UBASH3B: variants seen among roughly 807,000 people sequenced by gnomAD.
The protein encoded by UBASH3B is ubiquitin associated and SH3 domain containing B.
Under a neutral mutation model 83.4 loss-of-function variants are expected in UBASH3B, and 37 were observed. The ratio of observed to expected loss-of-function variants is 0.44; its 90% confidence interval spans 0.34 to 0.58. The LOEUF (loss-of-function observed/expected upper bound fraction) is 0.58. Ranked by LOEUF, UBASH3B falls within the 20% of genes least tolerant of loss-of-function variation. The probability of loss-of-function intolerance (pLI) is 0.01; values close to 1 mark genes in which losing one functional copy is unlikely to be tolerated. For synonymous variants in UBASH3B, 304 were observed against 318.3 expected (o/e 0.96, Z 0.48); for missense variants, 657 against 827.2 (o/e 0.79, Z 2.52).
intron 1 of UBASH3B, among the ~76,000 whole-genome samples, chr11:122,679,493 C>T (rs12789267): frequency 6.6e-6 from 1 of 152,164 alleles, no homozygotes; most frequent in Non-Finnish European, 1.5e-5. Flanking sequence ...AACATAGAAT[C>T]TCAGCTCTAC....
At chr11:122,771,188 T>G (rs1012975330) in intron 1 of UBASH3B, among the ~76,000 whole-genome samples, 27 of 152,256 alleles carry the variant, frequency 1.8e-4, no homozygotes, top group Middle Eastern at 3.4e-3. Context: ...CTACTTCAGA[T>G]GTCCTTCTGC....
intron 1 of UBASH3B, among the ~76,000 whole-genome samples, chr11:122,740,020 A>G (rs1050950302): frequency 6.6e-6 from 1 of 152,212 alleles, no homozygotes; most frequent in African/African-American, 2.4e-5. Context: ...GTAAAGCCAT[A>G]TGTTCCATAC....
At position 122,765,866 on chromosome 11, in the gene UBASH3B, G is replaced by A. The variant is rs115271718; in HGVS notation, c.162-10353G>A. Reference sequence around the variant, plus strand: ...TCACCCTCCCTTTACACAGCTTCATGTAACATAGTCTCACTCCTATGCCAT... The same window carrying A: ...TCACCCTCCCTTTACACAGCTTCATATAACATAGTCTCACTCCTATGCCAT... On this transcript the variant is annotated intron_variant, in intron 1 of 13. Coordinates refer to ENST00000284273, the MANE Select transcript of UBASH3B (RefSeq NM_032873.5). Among the ~76,000 whole-genome samples the A allele has an allele frequency of 4.4e-3, 663 of 152,266 alleles. 7 individuals are homozygous for A. Among genetic ancestry groups the A allele is most frequent in the African/African-American group, 0.015 (622 of 41,556 alleles).
intron 1 of UBASH3B, among the ~76,000 whole-genome samples, chr11:122,730,155 G>A (rs1033636138): frequency 6.6e-6 from 1 of 152,070 alleles, no homozygotes; most frequent in African/African-American, 2.4e-5. Flanking sequence ...GCATGATGGT[G>A]TGCGCCTGTA....
chr11:122,704,461 C>T (rs1361326790), intron 1 of UBASH3B, among the ~76,000 whole-genome samples: 2 of 151,600 alleles, frequency 1.3e-5, no homozygotes, highest in African/African-American at 2.4e-5. Flanking sequence ...AGGTTGGTGG[C>T]GTGTTAGAGA....
At position 122,812,284 on chromosome 11, in the gene UBASH3B, A is replaced by G. The variant is rs1047483948; in HGVS notation, c.*2398A>G. ...ATTGCTTGTCAAAATGGCCCAAAAG[A>G]TCTGAATTCACATTAAGTTCCCCTT... On this transcript the variant is annotated 3_prime_UTR_variant, in exon 14 of 14. Transcript: ENST00000284273. 1.3e-5 allele frequency: 2 copies of G among 152,240 alleles called. No individual in the cohort carries two copies. Among genetic ancestry groups the G allele is most frequent in the East Asian group, 3.8e-4 (2 of 5,206 alleles). 9.4% of individuals were successfully genotyped at this position (152,240 alleles called of 1,614,324 possible).
At chr11:122,682,906 T>G (rs1431882226) in intron 1 of UBASH3B, among the ~76,000 whole-genome samples, 4 of 152,216 alleles carry the variant, frequency 2.6e-5, no homozygotes, top group Non-Finnish European at 2.9e-5. Flanking sequence ...CTTGATCCTG[T>G]TTCATCAATA....
intron 1 of UBASH3B, among the ~76,000 whole-genome samples, chr11:122,667,258 G>C (rs902471494): frequency 6.6e-6 from 1 of 151,858 alleles, no homozygotes; most frequent in African/African-American, 2.4e-5. Context: ...TGTTGGCCAG[G>C]CTGGTCTCAA....
chr11:122,682,160 C>T (rs868653541), intron 1 of UBASH3B, among the ~76,000 whole-genome samples: 5 of 152,260 alleles, frequency 3.3e-5, no homozygotes, highest in South Asian at 2.1e-4. Flanking sequence ...CCAACCCTGC[C>T]GACGCACCAT....
intron 1 of UBASH3B, among the ~76,000 whole-genome samples, chr11:122,712,345 G>A (rs1232392330): frequency 1.3e-5 from 2 of 152,174 alleles, no homozygotes; most frequent in Non-Finnish European, 2.9e-5. Flanking sequence ...CCAGCATGAG[G>A]AGGTGGGAGG....
At chr11:122,718,914 G>A (rs915766648) in intron 1 of UBASH3B, among the ~76,000 whole-genome samples, 1 of 152,166 alleles carries the variant, frequency 6.6e-6, no homozygotes, top group Non-Finnish European at 1.5e-5. Context: ...CTACATGCCT[G>A]TAGTCCCAGA....
At chr11:122,733,329 T>C (rs1860875229) in intron 1 of UBASH3B, among the ~76,000 whole-genome samples, 1 of 152,192 alleles carries the variant, frequency 6.6e-6, no homozygotes, top group East Asian at 1.9e-4. Context: ...TGGTGTCCAG[T>C]TTAAAAAATT....
At chr11:122,688,645 A>ATT (rs113447002) in intron 1 of UBASH3B, among the ~76,000 whole-genome samples, 37 of 100,760 alleles carry the variant, frequency 3.7e-4, no homozygotes, top group African/African-American at 1.6e-3. Flanking sequence ...ATTTTATTTT[A>ATT]TTTTATTTTA....
rs530775982 is a variant in UBASH3B, at chr11:122,813,836, G to C, written c.*3950G>C. The stretch of plus-strand genomic sequence containing the variant: ...ACTTCAACATATTGAATTTCCCTAG[G>C]AAAGTGACTAGCTATAATGAAAATT... On this transcript the variant is annotated 3_prime_UTR_variant, in exon 14 of 14. Coordinates refer to ENST00000284273, the MANE Select transcript of UBASH3B (RefSeq NM_032873.5). 6.6e-6 allele frequency: 1 copy of C among 152,272 alleles called. No homozygotes were observed. Among genetic ancestry groups the C allele is most frequent in the South Asian group, 2.1e-4 (1 of 4,824 alleles). 9.4% of individuals were successfully genotyped at this position (152,272 alleles called of 1,614,324 possible). A position where few individuals can be genotyped will look rare whatever the true frequency, so the allele number is the denominator to read the frequency against.
intron 1 of UBASH3B, among the ~76,000 whole-genome samples, chr11:122,717,501 G>A (rs143640846): frequency 7.5e-4 from 115 of 152,334 alleles, no homozygotes; most frequent in African/African-American, 2.5e-3. Context: ...TGCATTAGGC[G>A]TGGCTCTGGC....
chr11:122,707,334 G>A (rs956021331), intron 1 of UBASH3B, among the ~76,000 whole-genome samples: 5 of 152,032 alleles, frequency 3.3e-5, no homozygotes, highest in African/African-American at 4.8e-5. Flanking sequence ...TGCTTCTGAC[G>A]GGGAGTGGTA....
chr11:122,665,198 G>T (rs58250143), intron 1 of UBASH3B, among the ~76,000 whole-genome samples: 8 of 152,064 alleles, frequency 5.3e-5, no homozygotes, highest in African/African-American at 1.9e-4. Context: ...CGCCCGGCTC[G>T]TGTGTGTTTC....
intron 1 of UBASH3B, among the ~76,000 whole-genome samples, chr11:122,699,235 G>A (rs1407626279): frequency 6.6e-6 from 1 of 152,196 alleles, no homozygotes; most frequent in Non-Finnish European, 1.5e-5. Context: ...CTGTACCTAG[G>A]TTATTTTATT....
chr11:122,664,053 C>T (rs905649616), intron 1 of UBASH3B, among the ~76,000 whole-genome samples: 1 of 152,170 alleles, frequency 6.6e-6, no homozygotes, highest in Non-Finnish European at 1.5e-5. Context: ...TCGCCTTCCA[C>T]TTTTATGGTT....
Sources: gnomAD v4.1 joint callset for allele counts (sites outside exome capture counted in the v4.1 genomes callset) on GRCh38, gnomAD v4.1.1 for gene constraint, MANE v1.5 for transcripts, NCBI Gene and HGNC (gene_info 2026-07-23, HGNC 2026-07-21) for gene names.